The following TMEM71 variants were observed in gnomAD, a reference collection of about 807,000 sequenced individuals.
TMEM71 encodes transmembrane protein 71.
In TMEM71, 44 loss-of-function variants were observed where a neutral mutation model predicts 38.0. The observed-to-expected ratio is 1.16, with a 90% CI of 0.91 to 1.49. The LOEUF (loss-of-function observed/expected upper bound fraction) is 1.49, where lower values mean the gene tolerates loss of function less well. Ranked by LOEUF, TMEM71 falls within the 40% of genes most tolerant of loss-of-function variation. The probability of loss-of-function intolerance (pLI) is 0.00; values close to 1 mark genes in which losing one functional copy is unlikely to be tolerated. For synonymous variants in TMEM71, 133 were observed against 122.5 expected (o/e 1.09, Z -0.56); for missense variants, 367 against 348.6 (o/e 1.05, Z -0.42).
In TMEM71 at chr8:132,757,266, A is replaced by G; in HGVS notation, c.69T>C (p.Ala23=). ...ASSSRLEREY[A]GELSPTCIFP... ...AAATGCACGTGGGAGACAGCTCTCCAGCATATTCTCTTTCCAACCTGGAAG... is the reference window on the plus strand; with the variant it reads ...AAATGCACGTGGGAGACAGCTCTCCGGCATATTCTCTTTCCAACCTGGAAG... The change falls in exon 3 of 10, where the codon GCT becomes GCC. Residue 23 remains alanine (A), a synonymous_variant. Coordinates refer to ENST00000677595, the MANE Select transcript of TMEM71 (RefSeq NM_001382403.1). The G allele has an allele frequency of 6.2e-7, 1 of 1,611,292 alleles. No homozygotes were observed. The highest frequency in any genetic ancestry group is 8.5e-7 in the Non-Finnish European group (1 of 1,178,196).
chr8:132,744,197 G>GT (rs1265772917), intron 5 of TMEM71, among the ~76,000 whole-genome samples: 1 of 152,112 alleles, frequency 6.6e-6, no homozygotes, highest in Non-Finnish European at 1.5e-5. Context: ...CTGGAAAATG[G>GT]TAAGTGTCCA....
chr8:132,743,093 A>G (rs2739022), intron 5 of TMEM71, among the ~76,000 whole-genome samples: 106,641 of 151,928 alleles, frequency 0.7, 37,822 homozygotes, highest in South Asian at 0.79. Flanking sequence ...CAACATGTGG[A>G]ATTTCAAGAT....
At chr8:132,750,600 A>G (rs1437072243) in intron 4 of TMEM71, among the ~76,000 whole-genome samples, 1 of 152,018 alleles carries the variant, frequency 6.6e-6, no homozygotes, top group Non-Finnish European at 1.5e-5. Context: ...ACATGTGTGG[A>G]CTCATTATTT....
chr8:132,723,860 G>A (rs1385062198), intron 6 of TMEM71, among the ~76,000 whole-genome samples: 1 of 152,064 alleles, frequency 6.6e-6, no homozygotes, highest in East Asian at 1.9e-4. Flanking sequence ...TTTCAACGTA[G>A]GTTCTCCCTA....
Position 132,722,027 on chromosome 8 carries a change from A to G in TMEM71, c.752+13T>C. On this transcript the variant is annotated intron_variant, in intron 7 of 9. Coordinates refer to ENST00000677595, the MANE Select transcript of TMEM71 (RefSeq NM_001382403.1). ...TATGAAATACCGCTGCATGAAAATA[A>G]AACGTGAATTACCTTGCACATGCAG... 2.5e-6 allele frequency: 4 copies of G among 1,609,816 alleles called. No homozygotes were observed. The highest frequency in any genetic ancestry group is 8.5e-7 in the Non-Finnish European group (1 of 1,175,996).
intron 4 of TMEM71, among the ~76,000 whole-genome samples, chr8:132,747,574 A>G (rs773402096): frequency 3.3e-5 from 5 of 152,236 alleles, no homozygotes; most frequent in Non-Finnish European, 5.9e-5. Context: ...ATGCAATCCC[A>G]GAGAGTCTGC....
At chr8:132,752,664 G>T (rs1828778909) in intron 3 of TMEM71, among the ~76,000 whole-genome samples, 3 of 151,952 alleles carry the variant, frequency 2.0e-5, no homozygotes. Flanking sequence ...AGCCCAGGAA[G>T]TTCGAAGCTG....
At chr8:132,742,314 A>G (rs1047878657) in intron 5 of TMEM71, among the ~76,000 whole-genome samples, 9 of 152,124 alleles carry the variant, frequency 5.9e-5, no homozygotes, top group Admixed American at 4.6e-4. Flanking sequence ...TGCCGCCCAC[A>G]CAGTGAGCCA....
At chr8:132,715,409 CAAAAAAAAAAAAAAAA>C (rs975995287) in intron 7 of TMEM71, among the ~76,000 whole-genome samples, 1 of 21,564 alleles carries the variant, frequency 4.6e-5, no homozygotes, top group Non-Finnish European at 1.1e-4. Context: ...GACTCCGTCT[CAAAAAAAAAAAAAAAA>C]AAAAAAAAAA....
At chr8:132,771,125 G>A in the TMEM71 span, among the ~76,000 whole-genome samples, 2 of 152,148 alleles carry the variant, frequency 1.3e-5, no homozygotes, top group Non-Finnish European at 2.9e-5. Context: ...ATCACGAGTG[G>A]ATTCCATATT....
intron 9 of TMEM71, among the ~76,000 whole-genome samples, chr8:132,712,425 C>T (rs1826283230): frequency 2.0e-5 from 3 of 152,094 alleles, no homozygotes; most frequent in South Asian, 4.1e-4. Flanking sequence ...GGTGATATAA[C>T]CCCTGCAGAT....
chr8:132,769,597 G>C, the TMEM71 span, among the ~76,000 whole-genome samples: 2 of 152,176 alleles, frequency 1.3e-5, no homozygotes, highest in Non-Finnish European at 2.9e-5. Flanking sequence ...ATGTAATGAA[G>C]GTTGAGCCTT....
intron 7 of TMEM71, among the ~76,000 whole-genome samples, chr8:132,718,371 T>C (rs1161031158): frequency 4.0e-5 from 6 of 151,652 alleles, no homozygotes; most frequent in Admixed American, 3.9e-4. Flanking sequence ...GTCGACATTA[T>C]GGAATCTCCC....
intron 7 of TMEM71, among the ~76,000 whole-genome samples, chr8:132,716,905 T>C (rs1826564588): frequency 1.3e-5 from 2 of 152,224 alleles, no homozygotes; most frequent in African/African-American, 4.8e-5. Flanking sequence ...ATTTATGACA[T>C]TTGGGTTGTT....
chr8:132,775,373 G>A, the TMEM71 span: 2 of 365,166 alleles, frequency 5.5e-6, no homozygotes, highest in East Asian at 8.2e-5. Flanking sequence ...CGTCGCCGGG[G>A]CCCGGCGTCG....
At chr8:132,734,041 A>G (rs1332797848) in intron 5 of TMEM71, among the ~76,000 whole-genome samples, 1 of 152,068 alleles carries the variant, frequency 6.6e-6, no homozygotes. Flanking sequence ...TTCAATGTGA[A>G]TATGGTCTCA....
intron 7 of TMEM71, among the ~76,000 whole-genome samples, chr8:132,716,601 T>TA (rs1463512608): frequency 6.6e-6 from 1 of 152,170 alleles, no homozygotes; most frequent in African/African-American, 2.4e-5. Context: ...AGGATATACA[T>TA]ACGGTATATG....
chr8:132,752,828 AAAGGAAGGAAGGAAGGAAGG>A (rs71299033), intron 3 of TMEM71, among the ~76,000 whole-genome samples: 1,646 of 118,414 alleles, frequency 0.014, 37 homozygotes, highest in East Asian at 0.077. Flanking sequence ...GGGAAGGAAG[AAAGGAAGGAAGGAAGGAAGG>A]AAGGAAGGAA....
At chr8:132,739,546 C>T (rs1416266808) in intron 5 of TMEM71, among the ~76,000 whole-genome samples, 2 of 152,026 alleles carry the variant, frequency 1.3e-5, no homozygotes, top group Non-Finnish European at 2.9e-5. Context: ...CTCCTGACCT[C>T]GTGATCCGCC....
Sources: gnomAD v4.1 joint callset for allele counts (sites outside exome capture counted in the v4.1 genomes callset) on GRCh38, gnomAD v4.1.1 for gene constraint, MANE v1.5 for transcripts, NCBI Gene and HGNC (gene_info 2026-07-23, HGNC 2026-07-21) for gene names.